OSBPL10: variants seen among roughly 807,000 people sequenced by gnomAD.
The protein encoded by OSBPL10 is oxysterol binding protein like 10.
OSBPL10 carries 49 observed loss-of-function variants against 81.7 expected under a neutral mutation model. The ratio of observed to expected loss-of-function variants is 0.60; its 90% confidence interval spans 0.48 to 0.76. The LOEUF (loss-of-function observed/expected upper bound fraction) is 0.76. OSBPL10 is among the 30% of genes least tolerant of loss of function. OSBPL10 has a pLI of 0.00. For missense variants in OSBPL10, 923 were observed against 987.8 expected (o/e 0.93, Z 0.88); for synonymous variants, 419 against 383.6 (o/e 1.09, Z -1.08).
At chr3:31,699,509 G>C (rs1439825211) in intron 7 of OSBPL10, among the ~76,000 whole-genome samples, 1 of 152,244 alleles carries the variant, frequency 6.6e-6, no homozygotes, top group Non-Finnish European at 1.5e-5. Context: ...TGAGGAAAGA[G>C]GGCAGACAAG....
chr3:31,689,514 A>G (rs1489181759), intron 7 of OSBPL10, among the ~76,000 whole-genome samples: 1 of 152,226 alleles, frequency 6.6e-6, no homozygotes, highest in African/African-American at 2.4e-5. Flanking sequence ...TAATCAAAAA[A>G]TAAACATACA....
At chr3:31,797,668 G>T in intron 4 of OSBPL10, 1 of 372,970 alleles carries the variant, frequency 2.7e-6, no homozygotes. Context: ...CATAAAAGAG[G>T]GTACATTAAA....
In OSBPL10 at chr3:31,812,816, A is replaced by AAGAG. The variant is rs113963524; in HGVS notation, c.729+17220_729+17223dup. Among the ~76,000 whole-genome samples the AAGAG allele has an allele frequency of 1.6e-3, 53 of 32,418 alleles. 2 individuals carry two copies. The highest frequency in any genetic ancestry group is 2.0e-3 in the Non-Finnish European group (35 of 17,394). 21.3% of individuals were successfully genotyped at this position (32,418 alleles called of 152,430 possible). A position where few individuals can be genotyped will look rare whatever the true frequency, so the allele number is the denominator to read the frequency against. On this transcript the variant is annotated intron_variant, in intron 4 of 11. Coordinates refer to ENST00000396556, the MANE Select transcript of OSBPL10 (RefSeq NM_017784.5). Reference sequence around the variant, plus strand: ...AAAGAAAGAAAGAAAGAAAGAAAGAAAGAGAAAGAAAGAAAGAAAGAAAGA... The same window carrying AAGAG: ...AAAGAAAGAAAGAAAGAAAGAAAGAAAGAGAGAGAAAGAAAGAAAGAAAGAAAGA...
chr3:31,729,151 C>T (rs1696891287), intron 6 of OSBPL10, among the ~76,000 whole-genome samples: 1 of 152,140 alleles, frequency 6.6e-6, no homozygotes, highest in Non-Finnish European at 1.5e-5. Flanking sequence ...ATAAACCTGA[C>T]TTTTAAAAAA....
Position 31,769,465 on chromosome 3 carries a change from A to AC in OSBPL10, c.730-21346_730-21345insG, listed in dbSNP as rs1217455461. Among the ~76,000 whole-genome samples, 4 of 100,526 alleles carry AC rather than the reference A, an allele frequency of 4.0e-5. 1 individual carries two copies. Among genetic ancestry groups the AC allele is most frequent in the Non-Finnish European group, 6.4e-5 (3 of 47,170 alleles). 65.9% of individuals were successfully genotyped at this position (100,526 alleles called of 152,430 possible). The stretch of plus-strand genomic sequence containing the variant: ...CATCTCAAAAAAAAAAAAACAAAAA[A>AC]AAAACAAAAAAAAACAGAATAAAAA... On this transcript the variant is annotated intron_variant, in intron 4 of 11. Coordinates refer to ENST00000396556, the MANE Select transcript of OSBPL10 (RefSeq NM_017784.5).
Position 31,733,428 on chromosome 3 carries a change from G to A in OSBPL10, c.941-17C>T, listed in dbSNP as rs111656775. On this transcript the variant is annotated splice_polypyrimidine_tract_variant and intron_variant, in intron 5 of 11. Transcript: ENST00000396556. The stretch of plus-strand genomic sequence containing the variant: ...GGATGTTTTCTGAAATAAAGACCTA[G>A]AATGATGCCAAGTATTTTCCAAATT... 1.6e-5 allele frequency: 26 copies of A among 1,614,098 alleles called. No individual in the cohort carries two copies. The African/African-American group carries it at 2.8e-4, about 17-fold the overall frequency.
chr3:31,868,413 G>A (rs1046225486), intron 3 of OSBPL10, among the ~76,000 whole-genome samples: 14 of 152,116 alleles, frequency 9.2e-5, no homozygotes, highest in Admixed American at 6.6e-4. Context: ...GAGCTCCATC[G>A]GGTTTTGAAG....
At chr3:31,815,559 C>T (rs554078074) in intron 4 of OSBPL10, among the ~76,000 whole-genome samples, 12 of 152,254 alleles carry the variant, frequency 7.9e-5, no homozygotes, top group African/African-American at 2.9e-4. Flanking sequence ...GGTATTTAAC[C>T]TGAAACTTTA....
intron 7 of OSBPL10, among the ~76,000 whole-genome samples, chr3:31,691,817 C>G (rs1695562712): frequency 6.6e-6 from 1 of 152,020 alleles, no homozygotes; most frequent in Non-Finnish European, 1.5e-5. Context: ...CCAGTGCAAA[C>G]AAGCAAGCAG....
chr3:32,030,612 C>G lies in OSBPL10; in HGVS notation n.298+15879G>C, dbSNP rs949107893. 3 of 1,331,850 alleles carry G rather than the reference C, an allele frequency of 2.3e-6. No homozygotes were observed. The African/African-American group carries it at 4.3e-5, about 19-fold the overall frequency. The allele number at this position is 1,331,850 out of a possible 1,614,324, so 82.5% of individuals were successfully genotyped here. On this transcript the variant is annotated intron_variant and non_coding_transcript_variant, in intron 2 of 3. Transcript: ENST00000479173. ...CGCCTGCTCCACCCAGAGAAGCACA[C>G]TTTGTGAGAACCAATGGGAAGTAGC...
chr3:31,898,313 GAT>G (rs1696126792), intron 1 of OSBPL10, among the ~76,000 whole-genome samples: 1 of 152,164 alleles, frequency 6.6e-6, no homozygotes, highest in South Asian at 2.1e-4. Context: ...TGAGGTGAGA[GAT>G]ATGTTAATTA....
intron 4 of OSBPL10, among the ~76,000 whole-genome samples, chr3:31,829,007 C>T (rs1448126567): frequency 6.6e-6 from 1 of 152,118 alleles, no homozygotes; most frequent in Non-Finnish European, 1.5e-5. Flanking sequence ...AGATTTGATT[C>T]GGATTTCAGA....
At chr3:31,921,236 T>C (rs1327178339) in intron 1 of OSBPL10, among the ~76,000 whole-genome samples, 1 of 152,196 alleles carries the variant, frequency 6.6e-6, no homozygotes. Flanking sequence ...AGTACACACA[T>C]GTACTTTTTT....
chr3:32,008,618 C>T (rs548230446), intron 2 of OSBPL10, among the ~76,000 whole-genome samples: 1 of 151,330 alleles, frequency 6.6e-6, no homozygotes, highest in African/African-American at 2.4e-5. Context: ...AGAGTGGTGT[C>T]GCATGCCTGC....
chr3:31,775,532 G>C (rs528897277), intron 4 of OSBPL10, among the ~76,000 whole-genome samples: 1 of 152,280 alleles, frequency 6.6e-6, no homozygotes, highest in East Asian at 1.9e-4. Flanking sequence ...ACAGGTCTGA[G>C]CGTGGGAGGG....
intron 1 of OSBPL10, among the ~76,000 whole-genome samples, chr3:31,922,154 A>G (rs959884233): frequency 6.6e-6 from 1 of 152,244 alleles, no homozygotes; most frequent in Admixed American, 6.5e-5. Flanking sequence ...CAGAAAAGGA[A>G]CATTGGATAA....
chr3:31,825,865 T>C (rs1046230046), intron 4 of OSBPL10, among the ~76,000 whole-genome samples: 1 of 152,194 alleles, frequency 6.6e-6, no homozygotes, highest in Non-Finnish European at 1.5e-5. Context: ...TGGAGCTTAT[T>C]AAGATGACTA....
intron 3 of OSBPL10, among the ~76,000 whole-genome samples, chr3:31,844,957 C>G (rs551861758): frequency 2.7e-4 from 41 of 152,118 alleles, no homozygotes; most frequent in Admixed American, 9.2e-4. Context: ...TTGTGCACAC[C>G]TGCAACCCCA....
intron 2 of OSBPL10, among the ~76,000 whole-genome samples, chr3:32,007,555 C>A (rs923536590): frequency 6.6e-6 from 1 of 152,234 alleles, no homozygotes; most frequent in South Asian, 2.1e-4. Context: ...TAGCTTGTAA[C>A]CTCCATGCTC....
Sources: allele counts gnomAD v4.1 joint callset (sites outside exome capture counted in the v4.1 genomes callset), GRCh38; gene constraint gnomAD v4.1.1; transcripts MANE v1.5; gene names NCBI Gene and HGNC (gene_info 2026-07-23, HGNC 2026-07-21).